Variants in TECRL observed in about 807,000 individuals in gnomAD.
The protein encoded by TECRL is trans-2,3-enoyl-CoA reductase-like.
Under a neutral mutation model 52.8 loss-of-function variants are expected in TECRL, and 63 were observed. That is an observed-to-expected ratio of 1.19 (90% confidence interval 0.97 to 1.47). TECRL has a LOEUF of 1.47. TECRL is among the 40% of genes most tolerant of loss of function. TECRL has a pLI of 0.00. For missense variants in TECRL, 482 were observed against 429.6 expected, an observed-to-expected ratio of 1.12 and a Z score of -1.08; for synonymous variants, 164 against 141.9, an observed-to-expected ratio of 1.16 and a Z score of -1.10.
intron 1 of TECRL, among the ~76,000 whole-genome samples, chr4:64,381,149 C>T (rs1722763136): frequency 6.6e-6 from 1 of 151,640 alleles, no homozygotes; most frequent in Non-Finnish European, 1.5e-5. Context: ...TTTTTGGTAC[C>T]TATTGTAAAT....
intron 2 of TECRL, among the ~76,000 whole-genome samples, chr4:64,345,193 A>C (rs1394991797): frequency 6.6e-6 from 1 of 152,166 alleles, no homozygotes; most frequent in Non-Finnish European, 1.5e-5. Context: ...CAGCCATCCC[A>C]TTACTGGGTA....
At chr4:64,407,056 T>C (rs1183215914) in intron 1 of TECRL, among the ~76,000 whole-genome samples, 2 of 151,770 alleles carry the variant, frequency 1.3e-5, no homozygotes, top group African/African-American at 4.8e-5. Flanking sequence ...CTCTGAAGTG[T>C]CTCACCACTA....
At chr4:64,310,745 A>G (rs1378399111) in intron 5 of TECRL, among the ~76,000 whole-genome samples, 2 of 152,108 alleles carry the variant, frequency 1.3e-5, no homozygotes, top group Admixed American at 6.6e-5. Context: ...TTTTGTTTTT[A>G]GAGACAGGAT....
At chr4:64,335,954 C>T (rs1719047238) in intron 2 of TECRL, among the ~76,000 whole-genome samples, 1 of 152,052 alleles carries the variant, frequency 6.6e-6, no homozygotes, top group East Asian at 1.9e-4. Context: ...CGATGTTCAT[C>T]ATGGATATTG....
At chr4:64,315,554 C>T (rs980837402) in intron 4 of TECRL, among the ~76,000 whole-genome samples, 3 of 151,964 alleles carry the variant, frequency 2.0e-5, no homozygotes, top group African/African-American at 7.2e-5. Flanking sequence ...AAAAATACAA[C>T]TTAACAATAA....
chr4:64,278,312 CCG>C lies in TECRL; in HGVS notation c.*1758_*1759del, dbSNP rs1722650549. On this transcript the variant is annotated 3_prime_UTR_variant, in exon 12 of 12. Coordinates refer to ENST00000381210, the MANE Select transcript of TECRL (RefSeq NM_001010874.5). Reference sequence around the variant, plus strand: ...TACACTTTTAATATAGCTATAATTTCCGCAAGAATTTGAACTAATGACATAAT... The same window carrying C: ...TACACTTTTAATATAGCTATAATTTCCAAGAATTTGAACTAATGACATAAT... 1 of 161,152 alleles carries C rather than the reference CCG, an allele frequency of 6.2e-6. No individual in the cohort carries two copies. The highest frequency in any genetic ancestry group is 1.3e-5 in the Non-Finnish European group (1 of 76,586). The allele number at this position is 161,152 out of a possible 1,614,324, so 10.0% of individuals were successfully genotyped here. A position where few individuals can be genotyped will look rare whatever the true frequency, so the allele number is the denominator to read the frequency against.
At chr4:64,304,946 T>G in intron 7 of TECRL, 1 of 348,966 alleles carries the variant, frequency 2.9e-6, no homozygotes, top group Non-Finnish European at 5.2e-6. Flanking sequence ...GTTTACAACC[T>G]ACTAATATTT....
At chr4:64,382,603 G>T (rs1722895390) in intron 1 of TECRL, among the ~76,000 whole-genome samples, 1 of 151,618 alleles carries the variant, frequency 6.6e-6, no homozygotes, top group Non-Finnish European at 1.5e-5. Context: ...TGTTTTTACA[G>T]ATAAAATGAG....
At chr4:64,293,576 G>A (rs1195682305) in intron 8 of TECRL, among the ~76,000 whole-genome samples, 1 of 152,066 alleles carries the variant, frequency 6.6e-6, no homozygotes, top group Non-Finnish European at 1.5e-5. Context: ...CGCTGTCATT[G>A]TGGAATGATA....
chr4:64,284,358 T>G (rs1028449547), intron 9 of TECRL, among the ~76,000 whole-genome samples: 4 of 151,702 alleles, frequency 2.6e-5, no homozygotes, highest in Non-Finnish European at 5.9e-5. Flanking sequence ...GAAAAGAGAG[T>G]GCTTCTTTCT....
intron 7 of TECRL, chr4:64,304,812 ATAAT>A (rs1724232184): frequency 6.4e-6 from 1 of 156,048 alleles, no homozygotes; most frequent in African/African-American, 2.4e-5. Flanking sequence ...ATTTAAAAGA[ATAAT>A]TAAATGTTTA....
intron 2 of TECRL, among the ~76,000 whole-genome samples, chr4:64,342,431 A>ATGTGTG (rs1238738848): frequency 4.2e-5 from 1 of 23,836 alleles, no homozygotes; most frequent in Non-Finnish European, 1.1e-4. Flanking sequence ...TTATATATAT[A>ATGTGTG]TATGTGTGTG....
At chr4:64,367,233 T>C (rs1180108678) in intron 2 of TECRL, among the ~76,000 whole-genome samples, 3 of 85,882 alleles carry the variant, frequency 3.5e-5, no homozygotes, top group Admixed American at 3.1e-4. Flanking sequence ...GGAGCCTGCT[T>C]GAGGGTGGAG....
chr4:64,363,312 C>T (rs747009418), intron 2 of TECRL, among the ~76,000 whole-genome samples: 27 of 152,052 alleles, frequency 1.8e-4, no homozygotes, highest in Non-Finnish European at 3.7e-4. Context: ...TATTCATGAC[C>T]TAAAATCGAC....
At chr4:64,390,950 T>C (rs1283178621) in intron 1 of TECRL, among the ~76,000 whole-genome samples, 1 of 151,884 alleles carries the variant, frequency 6.6e-6, no homozygotes, top group Non-Finnish European at 1.5e-5. Flanking sequence ...TAATGAATTG[T>C]TTGACATCAA....
rs148394836 is a variant in TECRL, at chr4:64,371,489, T to A, written c.286+3683A>T. Among the ~76,000 whole-genome samples, 1,116 of 151,622 alleles carry A rather than the reference T, an allele frequency of 7.4e-3. 13 individuals are homozygous for A. Among genetic ancestry groups the A allele is most frequent in the African/African-American group, 0.025 (1,020 of 41,508 alleles). On this transcript the variant is annotated intron_variant, in intron 2 of 11. Coordinates refer to ENST00000381210, the MANE Select transcript of TECRL (RefSeq NM_001010874.5). ...GTATTTCCGAATCTCTGTTAGAGAT[T>A]TCCTGGCTTACAATAATTCGTGCTG...
At chr4:64,394,435 T>C (rs906511554) in intron 1 of TECRL, among the ~76,000 whole-genome samples, 5 of 152,172 alleles carry the variant, frequency 3.3e-5, no homozygotes, top group Admixed American at 1.3e-4. Flanking sequence ...CCAGAATGTA[T>C]TCATTCCACA....
intron 2 of TECRL, among the ~76,000 whole-genome samples, chr4:64,364,587 A>G (rs533387985): frequency 6.6e-6 from 1 of 152,190 alleles, no homozygotes; most frequent in Admixed American, 6.6e-5. Flanking sequence ...ATTACCCCAA[A>G]GAAATACAAA....
At chr4:64,354,595 A>C (rs1409663114) in intron 2 of TECRL, among the ~76,000 whole-genome samples, 1 of 152,146 alleles carries the variant, frequency 6.6e-6, no homozygotes, top group East Asian at 1.9e-4. Context: ...GATTGTTGTG[A>C]TTTTCTTTAA....
Sources: gnomAD v4.1 joint callset for allele counts (sites outside exome capture counted in the v4.1 genomes callset) on GRCh38, gnomAD v4.1.1 for gene constraint, MANE v1.5 for transcripts, NCBI Gene and HGNC (gene_info 2026-07-23, HGNC 2026-07-21) for gene names.